Variants in PCDH15 observed in about 807,000 individuals in gnomAD.
PCDH15 encodes the protein protocadherin-15.
PCDH15 carries 129 observed loss-of-function variants against 178.5 expected under a neutral mutation model. The observed-to-expected ratio is 0.72, with a 90% confidence interval of 0.63 to 0.84. The LOEUF (loss-of-function observed/expected upper bound fraction) is 0.84, where lower values mean the gene tolerates loss of function less well. Ranked by LOEUF, PCDH15 falls within the 40% of genes least tolerant of loss-of-function variation. PCDH15 has a pLI of 0.00. For synonymous variants in PCDH15, 800 were observed against 732.0 expected (o/e 1.09, Z -1.50); for missense variants, 2,230 against 2,099.9 (o/e 1.06, Z -1.21).
chr10:54,453,516 A>C (rs901626677), intron 3 of PCDH15, among the ~76,000 whole-genome samples: 2 of 151,860 alleles, frequency 1.3e-5, no homozygotes, highest in Non-Finnish European at 2.9e-5. Context: ...GGGTTAGGGG[A>C]GGGGGTAGGG....
chr10:55,355,274 G>A (rs185021758), intron 2 of PCDH15, among the ~76,000 whole-genome samples: 11 of 152,044 alleles, frequency 7.2e-5, no homozygotes, highest in East Asian at 1.9e-4. Context: ...AGTAAATGCC[G>A]AAGATTGGAT....
At chr10:53,892,025 T>TG (rs1554847245) in intron 26 of PCDH15, among the ~76,000 whole-genome samples, 1 of 142,722 alleles carries the variant, frequency 7.0e-6, no homozygotes, top group Non-Finnish European at 1.5e-5. Context: ...TCTATGTTTT[T>TG]TTTTTTTTTT....
Position 54,174,027 on chromosome 10 carries a change from C to T in PCDH15, c.1590+9417G>A, listed in dbSNP as rs77379684. Among the ~76,000 whole-genome samples the T allele has an allele frequency of 6.7e-3, 1,025 of 152,224 alleles. 6 individuals carry two copies. The highest frequency in any genetic ancestry group is 0.024 in the African/African-American group (981 of 41,532). ...TAAAATGCTAAGTGAAGAAATTGAA[C>T]GCTAATCCAGTAATACAGGATATCG... On this transcript the variant is annotated intron_variant, in intron 13 of 37. Coordinates refer to ENST00000644397, the MANE Select transcript of PCDH15 (RefSeq NM_001384140.1).
intron 2 of PCDH15, among the ~76,000 whole-genome samples, chr10:54,603,437 AT>A (rs899443671): frequency 6.9e-6 from 1 of 145,378 alleles, no homozygotes; most frequent in Non-Finnish European, 1.5e-5. Flanking sequence ...GTTAGTATGT[AT>A]TTTTTTCTGT....
At chr10:54,652,809 GTTGT>G (rs1398113279) in intron 2 of PCDH15, among the ~76,000 whole-genome samples, 1 of 152,084 alleles carries the variant, frequency 6.6e-6, no homozygotes, top group Non-Finnish European at 1.5e-5. Context: ...TTAAATTTCT[GTTGT>G]TTAAGCCACC....
intron 2 of PCDH15, among the ~76,000 whole-genome samples, chr10:55,099,876 G>A (rs1223536624): frequency 1.3e-5 from 2 of 151,934 alleles, no homozygotes; most frequent in Non-Finnish European, 2.9e-5. Flanking sequence ...CCATTTAGGG[G>A]TAAATTCTAA....
chr10:54,994,396 T>C (rs899216761), intron 2 of PCDH15, among the ~76,000 whole-genome samples: 1 of 152,142 alleles, frequency 6.6e-6, no homozygotes, highest in Non-Finnish European at 1.5e-5. Context: ...AGTTGCCTGA[T>C]ATAAAGAATT....
At chr10:54,016,289 G>A (rs2092738177) in intron 20 of PCDH15, among the ~76,000 whole-genome samples, 1 of 151,498 alleles carries the variant, frequency 6.6e-6, no homozygotes, top group African/African-American at 2.4e-5. Flanking sequence ...TGGTGAGGTT[G>A]AGGAGAAAAT....
intron 25 of PCDH15, among the ~76,000 whole-genome samples, chr10:53,919,106 T>C (rs1025908149): frequency 6.6e-6 from 1 of 152,114 alleles, no homozygotes; most frequent in African/African-American, 2.4e-5. Context: ...TTGCATTGAG[T>C]CCACCCAGAT....
rs189450655 is a variant in PCDH15 at position 55,041,932 on chromosome 10, A to G, written c.-80+124644T>C. ...ACATAAATCATCATTCTTATATGAG[A>G]CTGTCTCATTTAACTGAACATTTTT... On this transcript the variant is annotated intron_variant, in intron 2 of 5. Transcript: ENST00000458638. Among the ~76,000 whole-genome samples the G allele has an allele frequency of 1.5e-4, 23 of 152,258 alleles. No homozygotes were observed. In the East Asian group the frequency reaches 4.2e-3, roughly 28 times the overall value.
At chr10:53,935,299 C>G (rs1465254891) in intron 25 of PCDH15, among the ~76,000 whole-genome samples, 2 of 152,120 alleles carry the variant, frequency 1.3e-5, no homozygotes, top group African/African-American at 4.8e-5. Flanking sequence ...GCATCAAGGA[C>G]TTTACTTGGG....
intron 37 of PCDH15, chr10:53,808,763 C>A: frequency 6.2e-7 from 1 of 1,612,576 alleles, no homozygotes; most frequent in Non-Finnish European, 8.5e-7. Flanking sequence ...TTGCTTCTGT[C>A]ATACGCTGGT....
At chr10:54,433,354 C>CTTA (rs147191648) in intron 3 of PCDH15, among the ~76,000 whole-genome samples, 3,151 of 152,154 alleles carry the variant, frequency 0.021, 100 homozygotes, top group African/African-American at 0.072. Context: ...AAATGTGGTT[C>CTTA]TTATATACAA....
At chr10:55,220,942 A>G (rs1484188111) in intron 1 of PCDH15, among the ~76,000 whole-genome samples, 1 of 152,062 alleles carries the variant, frequency 6.6e-6, no homozygotes. Context: ...TTATAAAATA[A>G]ATTCCATCTG....
intron 3 of PCDH15, among the ~76,000 whole-genome samples, chr10:54,457,800 A>G (rs1263998675): frequency 6.6e-6 from 1 of 152,224 alleles, no homozygotes; most frequent in African/African-American, 2.4e-5. Flanking sequence ...AGGGAAAAAT[A>G]TAATCCAAAA....
intron 28 of PCDH15, among the ~76,000 whole-genome samples, chr10:53,849,491 T>C (rs578149209): frequency 2.0e-5 from 3 of 152,274 alleles, no homozygotes; most frequent in Admixed American, 6.5e-5. Flanking sequence ...ACGGAATCAA[T>C]ATGCAATGGA....
At chr10:55,046,292 G>A (rs540953582) in intron 2 of PCDH15, among the ~76,000 whole-genome samples, 1 of 152,062 alleles carries the variant, frequency 6.6e-6, no homozygotes, top group African/African-American at 2.4e-5. Context: ...AGCTCCTCAG[G>A]CATATGAAAA....
At chr10:54,086,112 T>C (rs1309268894) in intron 16 of PCDH15, among the ~76,000 whole-genome samples, 1 of 152,144 alleles carries the variant, frequency 6.6e-6, no homozygotes, top group East Asian at 1.9e-4. Context: ...AAAATAAGTT[T>C]ATTTGTCTCA....
intron 2 of PCDH15, among the ~76,000 whole-genome samples, chr10:54,994,532 A>G (rs141956240): frequency 5.3e-5 from 8 of 152,226 alleles, no homozygotes; most frequent in African/African-American, 1.9e-4. Flanking sequence ...GTTCTGAGAA[A>G]CTTGTTGATA....
Sources: gnomAD v4.1 joint callset for allele counts (sites outside exome capture counted in the v4.1 genomes callset) on GRCh38, gnomAD v4.1.1 for gene constraint, MANE v1.5 for transcripts, NCBI Gene and HGNC (gene_info 2026-07-23, HGNC 2026-07-21) for gene names.